The following NLRP5 variants were observed in gnomAD, a reference collection of about 807,000 sequenced individuals.
NLRP5 encodes NACHT, LRR and PYD domains-containing protein 5.
NLRP5 carries 93 observed loss-of-function variants against 113.1 expected under a neutral mutation model. The ratio of observed to expected loss-of-function variants is 0.82; its 90% CI spans 0.70 to 0.98. The LOEUF (loss-of-function observed/expected upper bound fraction) is 0.98. Ranked by LOEUF, NLRP5 falls within the 50% of genes least tolerant of loss-of-function variation. The pLI, the probability that NLRP5 is intolerant of heterozygous loss-of-function variation, is 0.00. For synonymous variants in NLRP5, 751 were observed against 600.7 expected (o/e 1.25, Z -3.66); for missense variants, 1,808 against 1,514.3 (o/e 1.19, Z -3.22).
intron 13 of NLRP5, among the ~76,000 whole-genome samples, chr19:56,056,299 T>G (rs1984147873): frequency 6.6e-6 from 1 of 152,166 alleles, no homozygotes; most frequent in Admixed American, 6.5e-5. Flanking sequence ...GGCTCATGAC[T>G]GTCATCCCAG....
upstream of NLRP5, among the ~76,000 whole-genome samples, chr19:55,998,694 A>ACG (rs1417816708): frequency 8.6e-5 from 5 of 58,074 alleles, no homozygotes; most frequent in African/African-American, 2.3e-4. Flanking sequence ...ATATATATAT[A>ACG]TATATATATG....
intron 11 of NLRP5, among the ~76,000 whole-genome samples, chr19:56,049,674 TA>T (rs967999301): frequency 9.2e-5 from 14 of 152,276 alleles, no homozygotes; most frequent in African/African-American, 3.1e-4. Flanking sequence ...TTCACATTTC[TA>T]AAAATGTGTC....
chr19:56,055,789 C>T (rs1038320747), intron 13 of NLRP5, among the ~76,000 whole-genome samples: 6 of 151,998 alleles, frequency 3.9e-5, no homozygotes, highest in Non-Finnish European at 8.8e-5. Context: ...TCATGATCTG[C>T]CCGCCTTGGC....
rs376020192 is a variant in NLRP5 at position 56,027,703 on chromosome 19, C to T, written c.1470C>T (p.Ser490=). The change falls in exon 7 of 15, where the codon AGC becomes AGT. Residue 490 remains serine, a synonymous_variant. Transcript: ENST00000390649. ...AGCTGCAGGACGTGGTGGGGGAGAG[C>T]GTCGCCCCCTTCAACCAAACGCTCA... The T allele has an allele frequency of 8.7e-6, 14 of 1,613,452 alleles. No individual in the cohort carries two copies. Among genetic ancestry groups the T allele is most frequent in the African/African-American group, 6.7e-5 (5 of 75,048 alleles).
chr19:56,000,361 GT>G (rs35449342), intron 1 of NLRP5, among the ~76,000 whole-genome samples: 97,648 of 151,492 alleles, frequency 0.64, 31,652 homozygotes, highest in East Asian at 0.88. Flanking sequence ...ATCACCTCAT[GT>G]TTTTTTTTGT....
chr19:56,007,218 G>A (rs571339429), intron 2 of NLRP5, among the ~76,000 whole-genome samples: 1 of 151,182 alleles, frequency 6.6e-6, no homozygotes, highest in African/African-American at 2.5e-5. Flanking sequence ...CAAAAAATTA[G>A]CCTGGTGTAG....
At chr19:56,047,855 A>G (rs1983785129) in intron 11 of NLRP5, among the ~76,000 whole-genome samples, 1 of 152,164 alleles carries the variant, frequency 6.6e-6, no homozygotes, top group South Asian at 2.1e-4. Context: ...GTTGCTATCT[A>G]TCTCATTTTT....
intron 4 of NLRP5, among the ~76,000 whole-genome samples, chr19:56,016,640 G>A (rs894068457): frequency 6.6e-6 from 1 of 152,030 alleles, no homozygotes; most frequent in African/African-American, 2.4e-5. Flanking sequence ...GGTAACCACT[G>A]TTCTACCCTC....
intron 6 of NLRP5, among the ~76,000 whole-genome samples, chr19:56,022,977 C>T (rs976804479): frequency 1.2e-4 from 19 of 152,172 alleles, no homozygotes; most frequent in South Asian, 6.2e-4. Context: ...CCGCCTGCCT[C>T]GGCCTCCCAA....
upstream of NLRP5, among the ~76,000 whole-genome samples, chr19:55,997,948 A>G (rs1051459004): frequency 6.6e-6 from 1 of 152,150 alleles, no homozygotes; most frequent in Non-Finnish European, 1.5e-5. Context: ...TTGAAGCTAT[A>G]TATTTTTTTA....
intron 7 of NLRP5, among the ~76,000 whole-genome samples, chr19:56,031,621 C>T (rs984199163): frequency 1.3e-4 from 15 of 117,620 alleles, no homozygotes; most frequent in Non-Finnish European, 2.3e-4. Flanking sequence ...ATAGAGACTC[C>T]GTCTCCAAAA....
Position 56,019,841 on chromosome 19 carries a change from AT to A in NLRP5, c.622+456del, listed in dbSNP as rs56651636. Among the ~76,000 whole-genome samples, 288 of 142,792 alleles carry A rather than the reference AT, an allele frequency of 2.0e-3. 4 individuals are homozygous for A. Among genetic ancestry groups the A allele is most frequent in the South Asian group, 9.2e-3 (42 of 4,552 alleles). The allele number at this position is 142,792 out of a possible 152,430, so 93.7% of individuals were successfully genotyped here. Reference sequence around the variant, plus strand: ...GAAAAACATGTCTTGCCTTCATGGCATTTTTTTTTTTTTGAGAAGGAGTCTC... The same window carrying A: ...GAAAAACATGTCTTGCCTTCATGGCATTTTTTTTTTTTGAGAAGGAGTCTC... On this transcript the variant is annotated intron_variant, in intron 5 of 14. Transcript: ENST00000390649.
rs1555765383 is a variant in NLRP5, at chr19:56,013,596, G to GGTTTTTTTTTT, written c.509-2146_509-2145insGTTTTTTTTTT. 4.7e-3 allele frequency among the ~76,000 whole-genome samples: 277 copies of GGTTTTTTTTTT among 59,288 alleles called. 19 individuals carry two copies. Among genetic ancestry groups the GGTTTTTTTTTT allele is most frequent in the South Asian group, 7.4e-3 (12 of 1,632 alleles). The allele number at this position is 59,288 out of a possible 152,430, so 38.9% of individuals were successfully genotyped here. Reference sequence around the variant, plus strand: ...CATTTATCACATGATGGACATTTGGGTTTTTTTTTTTTTTTTTTTTTGCTA... The same window carrying GGTTTTTTTTTT: ...CATTTATCACATGATGGACATTTGGGGTTTTTTTTTTTTTTTTTTTTTTTTTTTTTTTGCTA... On this transcript the variant is annotated intron_variant, in intron 3 of 14. Coordinates refer to ENST00000390649, the MANE Select transcript of NLRP5 (RefSeq NM_153447.4).
intron 10 of NLRP5, among the ~76,000 whole-genome samples, chr19:56,038,432 G>A (rs1983399864): frequency 1.3e-5 from 2 of 152,172 alleles, no homozygotes; most frequent in Non-Finnish European, 2.9e-5. Context: ...AATCAGCCAG[G>A]TGGAAATTGC....
chr19:55,987,874 C>T, the NLRP5 span: 4 of 1,613,982 alleles, frequency 2.5e-6, no homozygotes, highest in African/African-American at 5.3e-5. Flanking sequence ...CACCCGACTT[C>T]ACGGGAAAAA....
intron 3 of NLRP5, among the ~76,000 whole-genome samples, chr19:56,009,681 A>C (rs976978550): frequency 5.3e-5 from 8 of 152,302 alleles, no homozygotes; most frequent in African/African-American, 1.9e-4. Context: ...ACACAGGGAG[A>C]AAGGCAGGCT....
At position 56,038,145 on chromosome 19, in the gene NLRP5, G is replaced by A. The variant is rs948533597; in HGVS notation, c.2736G>A (p.Met912Ile). 3.1e-6 allele frequency: 5 copies of A among 1,613,946 alleles called. No individual in the cohort carries two copies. Among genetic ancestry groups the A allele is most frequent in the South Asian group, 1.1e-5 (1 of 91,086 alleles). ...ACAAGGTGACAGACCAGGGAGTAAT[G>A]CCTCTCAGTGATGCCTTGAGAGTCT... is the stretch of plus-strand genomic sequence containing the variant. Residue 912 changes from methionine (M) to isoleucine (I), a missense_variant, in exon 10 of 15, where the codon ATG becomes ATA. Met to Ile is a conservative substitution (Grantham distance 10, BLOSUM62 1). Coordinates refer to ENST00000390649, the MANE Select transcript of NLRP5 (RefSeq NM_153447.4).
chr19:56,055,849 T>C (rs567960761), intron 13 of NLRP5, among the ~76,000 whole-genome samples: 1 of 152,060 alleles, frequency 6.6e-6, no homozygotes, highest in African/African-American at 2.4e-5. Flanking sequence ...CTGGCCTGTT[T>C]TTCTGTCTTC....
At chr19:56,034,647 C>T (rs954786853) in intron 9 of NLRP5, among the ~76,000 whole-genome samples, 1 of 152,188 alleles carries the variant, frequency 6.6e-6, no homozygotes, top group African/African-American at 2.4e-5. Context: ...TTTGACAATG[C>T]TCTTAAAGTG....
Sources: allele counts gnomAD v4.1 joint callset (sites outside exome capture counted in the v4.1 genomes callset), GRCh38; gene constraint gnomAD v4.1.1; transcripts MANE v1.5; gene names NCBI Gene and HGNC (gene_info 2026-07-23, HGNC 2026-07-21).